Variants in ACCS observed in about 807,000 individuals in gnomAD.
ACCS encodes the protein 1-aminocyclopropane-1-carboxylate synthase homolog (inactive).
In ACCS, 42 loss-of-function variants were observed where a neutral mutation model predicts 59.8. The observed-to-expected ratio is 0.70, with a 90% CI of 0.55 to 0.91. ACCS has a LOEUF of 0.91. ACCS is among the 40% of genes least tolerant of loss of function. The pLI is 0.00. For synonymous variants in ACCS, 230 were observed against 240.3 expected, an observed-to-expected ratio of 0.96 and a Z score of 0.40; for missense variants, 602 against 630.4, an observed-to-expected ratio of 0.95 and a Z score of 0.48.
rs1953731960 is a variant in ACCS, at chr11:44,083,458, T to C, written c.1289T>C (p.Leu430Pro). ...AAGGGCACCTTTGAGGAGGAAATGC[T>C]GCTCTGGCGCCGCTTTTTGGACAAC... ...LPKGTFEEEM[L>P]LWRRFLDNKV... The change falls in exon 14 of 15, where the codon CTG becomes CCG. Residue 430 changes from leucine (L) to proline (P), a missense_variant. Leu to Pro is a moderately conservative substitution (Grantham distance 98). Coordinates refer to ENST00000263776, the MANE Select transcript of ACCS (RefSeq NM_032592.4). 6.2e-7 allele frequency: 1 copy of C among 1,614,120 alleles called. No individual in the cohort carries two copies. The highest frequency in any genetic ancestry group is 1.3e-5 in the African/African-American group (1 of 74,942).
At position 44,083,851 on chromosome 11, in the gene ACCS, G is replaced by T; in HGVS notation, c.*59G>T. On this transcript the variant is annotated 3_prime_UTR_variant, in exon 15 of 15. Coordinates refer to ENST00000263776, the MANE Select transcript of ACCS (RefSeq NM_032592.4). ...AGCCACTGTGGACCTGGGGCGTTCT[G>T]GGGCTGCAGAAGACTGACTGTGGAT... is the stretch of plus-strand genomic sequence containing the variant. 1.3e-6 allele frequency: 2 copies of T among 1,552,782 alleles called. No homozygotes were observed. Among genetic ancestry groups the T allele is most frequent in the Non-Finnish European group, 1.7e-6 (2 of 1,148,148 alleles).
At chr11:44,072,444 CTG>C (rs1248130644) in intron 3 of ACCS, 1 of 152,162 alleles carries the variant, frequency 6.6e-6, no homozygotes, top group Admixed American at 6.5e-5. Context: ...GCGTGAGCCA[CTG>C]CACCCGGCCA....
chr11:44,077,112 T>A (rs1953400753), intron 6 of ACCS, among the ~76,000 whole-genome samples, 167 bp from the exon 7 acceptor site: 1 of 152,166 alleles, frequency 6.6e-6, no homozygotes, highest in South Asian at 2.1e-4. Context: ...GGGGCTGATC[T>A]CAGTGGATCC....
chr11:44,074,009 G>A (rs1192161682), intron 4 of ACCS, among the ~76,000 whole-genome samples: 1 of 152,134 alleles, frequency 6.6e-6, no homozygotes, highest in Non-Finnish European at 1.5e-5. Context: ...AGGGCTCAGC[G>A]GCTGAGCAGG....
Position 44,081,207 on chromosome 11 carries a change from G to A in ACCS, c.998G>A (p.Gly333Asp). 6.2e-7 allele frequency: 1 copy of A among 1,614,222 alleles called. No individual in the cohort carries two copies. Among genetic ancestry groups the A allele is most frequent in the South Asian group, 1.1e-5 (1 of 91,086 alleles). Residue 333 changes from glycine to aspartate, a missense_variant, in exon 12 of 15, where the codon GGC becomes GAC. Transcript: ENST00000263776. ...KDFGMSGLRF[G>D]TLYTENQDVA... ...TTCGGGATGTCTGGGCTCCGCTTTG[G>A]CACGCTGTACACAGAAAACCAGGAT...
chr11:44,079,152 C>G, intron 9 of ACCS: 1 of 364,572 alleles, frequency 2.7e-6, no homozygotes, highest in Non-Finnish European at 5.1e-6. Flanking sequence ...TTACAACAAT[C>G]CTCACAACAA....
chr11:44,067,695 A>C lies in ACCS; in HGVS notation c.68A>C (p.Asp23Ala). ...TTCLGPTCMQDLGSSHGEDLE... is the reference protein window; with the variant it reads ...TTCLGPTCMQALGSSHGEDLE... Reference sequence around the variant, plus strand: ...TGTCTGGGCCCCACCTGCATGCAGGACCTGGGCAGTAGCCATGGGGAAGAT... The same window carrying C: ...TGTCTGGGCCCCACCTGCATGCAGGCCCTGGGCAGTAGCCATGGGGAAGAT... Residue 23 changes from aspartate to alanine, a missense_variant, in exon 2 of 15, where the codon GAC becomes GCC. Asp to Ala is a moderately radical substitution (Grantham distance 126, BLOSUM62 -2). Transcript: ENST00000263776. 6.2e-7 allele frequency: 1 copy of C among 1,614,236 alleles called. No homozygotes were observed. Among genetic ancestry groups the C allele is most frequent in the East Asian group, 2.2e-5 (1 of 44,892 alleles).
At chr11:44,077,621 G>C in intron 7 of ACCS, 7 of 1,437,816 alleles carry the variant, frequency 4.9e-6, no homozygotes, top group Non-Finnish European at 6.4e-6. Flanking sequence ...GGTAGGAACA[G>C]AGCAGGGTAG....
intron 5 of ACCS, among the ~76,000 whole-genome samples, chr11:44,075,044 G>A (rs997557625): frequency 2.6e-5 from 4 of 151,648 alleles, no homozygotes; most frequent in Non-Finnish European, 4.4e-5. Context: ...GGCTGGTCTC[G>A]AACTACCGAC....
At chr11:44,083,349 A>C (rs1953725463) in intron 13 of ACCS, 38 bp downstream of exon 13, 1 of 1,612,638 alleles carries the variant, frequency 6.2e-7, no homozygotes, top group Admixed American at 1.7e-5. Flanking sequence ...AGGGAGTTTC[A>C]GGTCTCCCTC....
At position 44,083,293 on chromosome 11, in the gene ACCS, C is replaced by T. The variant is rs752955587; in HGVS notation, c.1236C>T (p.Ile412=). The T allele has an allele frequency of 9.3e-6, 15 of 1,614,002 alleles. No individual in the cohort carries two copies. The South Asian group carries it at 1.2e-4, about 13-fold the overall frequency. The change falls in exon 13 of 15, where the codon ATC becomes ATT. Residue 412 remains isoleucine (I), a synonymous_variant. Coordinates refer to ENST00000263776, the MANE Select transcript of ACCS (RefSeq NM_032592.4). ...TGAGTCGTGGGGCTGGCTTCTTCATCTGGGTTGACTTGAGAAAGGTAATGC... is the reference window on the plus strand; with the variant it reads ...TGAGTCGTGGGGCTGGCTTCTTCATTTGGGTTGACTTGAGAAAGGTAATGC... ...PFLSRGAGFF[I]WVDLRKYLPK... is the part of the protein sequence containing the mutation.
rs147531492 is a variant in ACCS, at chr11:44,077,374, G to A, written c.652G>A (p.Glu218Lys). The A allele has an allele frequency of 1.7e-3, 2,777 of 1,614,066 alleles. 7 individuals carry two copies. Among genetic ancestry groups the A allele is most frequent in the Middle Eastern group, 2.1e-3 (13 of 6,062 alleles). ...IRLAYVYLDS[E>K]VTGLDTRPFQ... is the part of the protein sequence containing the mutation. ...GCTGGCCTATGTCTACCTGGACAGTGAGGTAAGAGTCTTGACTTCCTAGGT... is the reference window on the plus strand; with the variant it reads ...GCTGGCCTATGTCTACCTGGACAGTAAGGTAAGAGTCTTGACTTCCTAGGT... Residue 218 changes from glutamate (E) to lysine (K), a missense_variant and splice_region_variant, in exon 7 of 15, where the codon GAG becomes AAG. By Grantham distance (56) the Glu-to-Lys change is moderately conservative. Transcript: ENST00000263776.
At chr11:44,069,310 C>T (rs1952937675) in intron 2 of ACCS, among the ~76,000 whole-genome samples, 1 of 151,916 alleles carries the variant, frequency 6.6e-6, no homozygotes. Context: ...ACCTCTGCCT[C>T]CCGGGTTCAA....
chr11:44,078,102 G>GT, intron 8 of ACCS, 180 bp downstream of exon 8: 1 of 772,264 alleles, frequency 1.3e-6, no homozygotes, highest in Non-Finnish European at 2.0e-6. Flanking sequence ...CCCAGGGAGG[G>GT]TCTTCCCTTT....
At chr11:44,079,648 C>T in intron 10 of ACCS, 28 bp downstream of exon 10, 1 of 1,580,666 alleles carries the variant, frequency 6.3e-7, no homozygotes, top group Non-Finnish European at 8.6e-7. Flanking sequence ...AGCTAACTCC[C>T]CCAGTCCCTA....
In ACCS at chr11:44,077,289, G is replaced by C; in HGVS notation, c.567G>C (p.Leu189=). The C allele has an allele frequency of 6.2e-7, 1 of 1,614,014 alleles. No individual in the cohort carries two copies. The highest frequency in any genetic ancestry group is 8.5e-7 in the Non-Finnish European group (1 of 1,179,926). ...CACTCCTGCCCCCAGAGGCTTTCCTGATCCCCACCCCTTACTATGGCGCTA... is the reference window on the plus strand; with the variant it reads ...CACTCCTGCCCCCAGAGGCTTTCCTCATCCCCACCCCTTACTATGGCGCTA... The part of the protein sequence containing the change: ...TVLCEAGEAF[L]IPTPYYGAIT... Residue 189 remains leucine, a synonymous_variant, in exon 7 of 15, where the codon CTG becomes CTC. Coordinates refer to ENST00000263776, the MANE Select transcript of ACCS (RefSeq NM_032592.4).
Position 44,067,674 on chromosome 11 carries a change from TG to T in ACCS, c.50del (p.Gly17AlafsTer39). On this transcript the variant is annotated frameshift_variant, in exon 2 of 15. Coordinates refer to ENST00000263776, the MANE Select transcript of ACCS (RefSeq NM_032592.4). LOFTEE classifies it high-confidence loss of function. ...QKDFRAPTTCLGPTCMQDLGS... is the reference protein window; with the variant it reads ...QKDFRAPTTCXGPTCMQDLGS... The stretch of plus-strand genomic sequence containing the variant: ...GACTTCAGGGCTCCCACCACCTGTC[TG>T]GGCCCCACCTGCATGCAGGACCTGG... 1.2e-6 allele frequency: 2 copies of T among 1,614,080 alleles called. No homozygotes were observed. Among genetic ancestry groups the T allele is most frequent in the Non-Finnish European group, 1.7e-6 (2 of 1,179,958 alleles).
At position 44,081,406 on chromosome 11, in the gene ACCS, A is replaced by G. The variant is rs945799809; in HGVS notation, c.1111+86A>G. On this transcript the variant is annotated intron_variant, in intron 12 of 14. Transcript: ENST00000263776. The stretch of plus-strand genomic sequence containing the variant: ...GCCAGGAATCATAGATACTTCTCCT[A>G]TGAGAATAATTTAGGGTAATGTTTG... The G allele has an allele frequency of 8.4e-6, 13 of 1,554,958 alleles. No individual in the cohort carries two copies. The Admixed American group carries it at 9.2e-5, about 11-fold the overall frequency.
chr11:44,078,651 C>T (rs774516559), intron 8 of ACCS, 33 bp from the exon 9 acceptor site: 22 of 1,604,858 alleles, frequency 1.4e-5, no homozygotes, highest in Middle Eastern at 1.8e-4. Flanking sequence ...TGGGGAAGAG[C>T]TGAGGGTCTC....
Sources: allele counts gnomAD v4.1 joint callset (sites outside exome capture counted in the v4.1 genomes callset), GRCh38; gene constraint gnomAD v4.1.1; transcripts MANE v1.5; gene names NCBI Gene and HGNC (gene_info 2026-07-23, HGNC 2026-07-21).